Variants in RAPGEF6 observed in about 807,000 individuals in gnomAD.
The protein encoded by RAPGEF6 is Rap guanine nucleotide exchange factor 6.
In RAPGEF6, 56 loss-of-function variants were observed where a neutral mutation model predicts 171.4. The ratio of observed to expected loss-of-function variants is 0.33; its 90% CI spans 0.26 to 0.41. The LOEUF (loss-of-function observed/expected upper bound fraction) is 0.41. RAPGEF6 is among the 10% of genes least tolerant of loss of function. RAPGEF6 has a pLI of 1.00. For missense variants in RAPGEF6, 1,674 were observed against 1,921.4 expected, an observed-to-expected ratio of 0.87 and a Z score of 2.41; for synonymous variants, 692 against 650.1, an observed-to-expected ratio of 1.06 and a Z score of -0.98.
At chr5:131,582,256 A>G (rs967167969) in intron 4 of RAPGEF6, among the ~76,000 whole-genome samples, 1 of 152,252 alleles carries the variant, frequency 6.6e-6, no homozygotes, top group African/African-American at 2.4e-5. Context: ...AGATAGAAAA[A>G]TAAGTGAAAC....
At chr5:131,451,418 T>G (rs1225280896) in intron 21 of RAPGEF6, among the ~76,000 whole-genome samples, 1 of 148,844 alleles carries the variant, frequency 6.7e-6, no homozygotes, top group Non-Finnish European at 1.5e-5. Flanking sequence ...ACCCTATCTC[T>G]ACTGGAAAAA....
rs111282656 is a variant in RAPGEF6 at position 131,471,571 on chromosome 5, G to A, written c.2239+1016C>T. On this transcript the variant is annotated intron_variant, in intron 17 of 27. Transcript: ENST00000509018. ...GCATTTTTTCTCCCACCTTTCCTTG[G>A]ACCCAATTATATGTTTCAGTGCTTA... Among the ~76,000 whole-genome samples the A allele has an allele frequency of 4.2e-4, 64 of 152,042 alleles. No individual in the cohort carries two copies. The South Asian group carries it at 0.011, about 27-fold the overall frequency.
At chr5:131,536,815 T>C (rs997386394) in intron 6 of RAPGEF6, among the ~76,000 whole-genome samples, 4 of 152,154 alleles carry the variant, frequency 2.6e-5, no homozygotes, top group African/African-American at 7.2e-5. Context: ...AAACCTAAAG[T>C]TTCAAACAGC....
At chr5:131,436,218 A>G in intron 24 of RAPGEF6, 1 of 1,537,414 alleles carries the variant, frequency 6.5e-7, no homozygotes, top group East Asian at 2.4e-5. Flanking sequence ...TGTTCTCACA[A>G]CTTGTCCTGT....
At chr5:131,569,698 G>C (rs900524681) in intron 4 of RAPGEF6, among the ~76,000 whole-genome samples, 3 of 152,084 alleles carry the variant, frequency 2.0e-5, no homozygotes, top group Admixed American at 2.0e-4. Context: ...AAACCTTAAA[G>C]TAGATATCAT....
At chr5:131,432,514 A>C (rs954991249) in intron 25 of RAPGEF6, among the ~76,000 whole-genome samples, 3 of 152,116 alleles carry the variant, frequency 2.0e-5, no homozygotes, top group African/African-American at 7.2e-5. Flanking sequence ...GCTACTCGGG[A>C]GGCTGAGGCA....
At chr5:131,498,035 T>C (rs533336917) in intron 12 of RAPGEF6, among the ~76,000 whole-genome samples, 39 of 152,342 alleles carry the variant, frequency 2.6e-4, no homozygotes, top group African/African-American at 9.4e-4. Flanking sequence ...AATAAAAATA[T>C]TCCCATTTTG....
chr5:131,455,729 T>C (rs1753445838), intron 20 of RAPGEF6, 72 bp downstream of exon 20: 3 of 1,323,280 alleles, frequency 2.3e-6, no homozygotes, highest in Admixed American at 1.8e-5. Context: ...AAATATACCA[T>C]ACACAAAAAT....
At position 131,508,065 on chromosome 5, in the gene RAPGEF6, A is replaced by C; in HGVS notation, c.942+6T>G. ...ATAAATGTATGTAATTTATTTATTG[A>C]CCTACCTCTTGCCCATCTTCAAGAA... On this transcript the variant is annotated splice_donor_region_variant and intron_variant, in intron 9 of 27. Coordinates refer to ENST00000509018, the MANE Select transcript of RAPGEF6 (RefSeq NM_016340.6). 1 of 1,590,058 alleles carries C rather than the reference A, an allele frequency of 6.3e-7. No individual in the cohort carries two copies. The highest frequency in any genetic ancestry group is 2.3e-5 in the East Asian group (1 of 43,946).
chr5:131,446,839 T>C (rs745497388), intron 21 of RAPGEF6, 136 bp from the exon 22 acceptor site: 6 of 818,906 alleles, frequency 7.3e-6, no homozygotes, highest in African/African-American at 3.4e-5. Context: ...AGAGCATTAA[T>C]GCAAAGTAAT....
At chr5:131,616,378 AT>A (rs1015808331) in intron 1 of RAPGEF6, among the ~76,000 whole-genome samples, 3 of 152,214 alleles carry the variant, frequency 2.0e-5, no homozygotes, top group Non-Finnish European at 2.9e-5. Context: ...GTAATTACTA[AT>A]TTAAACATAT....
chr5:131,613,737 A>G (rs10070400), intron 1 of RAPGEF6, among the ~76,000 whole-genome samples: 11,317 of 152,210 alleles, frequency 0.074, 864 homozygotes, highest in African/African-American at 0.2. Flanking sequence ...CCTCTCTGAC[A>G]ACAGACCACC....
At chr5:131,568,425 G>C (rs750163851) in intron 4 of RAPGEF6, among the ~76,000 whole-genome samples, 9 of 151,730 alleles carry the variant, frequency 5.9e-5, no homozygotes, top group Non-Finnish European at 1.3e-4. Context: ...AAAACTCCTG[G>C]GCTCAAGCTA....
chr5:131,519,769 TC>T (rs1758353877), intron 7 of RAPGEF6, among the ~76,000 whole-genome samples: 1 of 152,198 alleles, frequency 6.6e-6, no homozygotes, highest in African/African-American at 2.4e-5. Context: ...ATTTCACTGA[TC>T]CAGGGTCAAT....
chr5:131,577,454 G>T (rs1457513181), intron 4 of RAPGEF6, among the ~76,000 whole-genome samples: 3 of 152,176 alleles, frequency 2.0e-5, no homozygotes, highest in Non-Finnish European at 4.4e-5. Flanking sequence ...GTACCTTCTT[G>T]TTGGGCCTCA....
At chr5:131,455,403 C>T (rs539962627) in intron 20 of RAPGEF6, among the ~76,000 whole-genome samples, 7 of 152,252 alleles carry the variant, frequency 4.6e-5, no homozygotes, top group East Asian at 1.9e-4. Flanking sequence ...GAACTACAGG[C>T]GGCCGCCACC....
At chr5:131,438,093 AT>A (rs1291722717) in intron 24 of RAPGEF6, among the ~76,000 whole-genome samples, 2 of 134,244 alleles carry the variant, frequency 1.5e-5, no homozygotes, top group Non-Finnish European at 3.3e-5. Flanking sequence ...GGTTCAAGTG[AT>A]TCTCCTGCCT....
At chr5:131,611,220 T>C (rs547257167) in intron 1 of RAPGEF6, among the ~76,000 whole-genome samples, 2 of 152,364 alleles carry the variant, frequency 1.3e-5, no homozygotes, top group African/African-American at 4.8e-5. Context: ...AGAGGCATTT[T>C]CCCTAATAAA....
chr5:131,429,312 T>C, intron 26 of RAPGEF6, 96 bp from the exon 27 acceptor site: 1 of 1,074,538 alleles, frequency 9.3e-7, no homozygotes, highest in Non-Finnish European at 1.3e-6. Context: ...AAAATACAAC[T>C]TAAAAATAGA....
Sources: gnomAD v4.1 joint callset for allele counts (sites outside exome capture counted in the v4.1 genomes callset) on GRCh38, gnomAD v4.1.1 for gene constraint, MANE v1.5 for transcripts, NCBI Gene and HGNC (gene_info 2026-07-23, HGNC 2026-07-21) for gene names.